The following SLC38A3 variants were observed in gnomAD, a reference collection of about 807,000 sequenced individuals.
The protein encoded by SLC38A3 is solute carrier family 38 member 3, also known as sodium-coupled neutral amino acid transporter 3.
SLC38A3 carries 17 observed loss-of-function variants against 59.5 expected under a neutral mutation model. The observed-to-expected ratio is 0.29, with a 90% CI of 0.20 to 0.43. The LOEUF is 0.43. SLC38A3 is among the 20% of genes least tolerant of loss of function. The pLI, the probability that SLC38A3 is intolerant of heterozygous loss-of-function variation, is 1.00. For missense variants in SLC38A3, 454 were observed against 653.9 expected, an observed-to-expected ratio of 0.69 and a Z score of 3.33; for synonymous variants, 238 against 260.3, an observed-to-expected ratio of 0.91 and a Z score of 0.82.
chr3:50,218,884 G>C lies in SLC38A3; in HGVS notation c.1242G>C (p.Leu414=), dbSNP rs1264284884. 2 of 1,613,672 alleles carry C rather than the reference G, an allele frequency of 1.2e-6. No individual in the cohort carries two copies. Among genetic ancestry groups the C allele is most frequent in the Admixed American group, 3.3e-5 (2 of 60,020 alleles). ...WLRHVLIAVG[L]LTCINLLVIF... ...GGCATGTGCTTATTGCCGTTGGCCTGCTCACTTGTATCAACCTGCTGGTCA... is the reference window on the plus strand; with the variant it reads ...GGCATGTGCTTATTGCCGTTGGCCTCCTCACTTGTATCAACCTGCTGGTCA... The change falls in exon 14 of 16, where the codon CTG becomes CTC. Residue 414 remains leucine (L), a synonymous_variant. Transcript: ENST00000614032. The surrounding 1 kb of genome is among the most constrained non-coding windows in gnomAD (Gnocchi z 5.8).
At chr3:50,211,579 T>C (rs1212439685) in intron 1 of SLC38A3, among the ~76,000 whole-genome samples, 3 of 146,142 alleles carry the variant, frequency 2.1e-5, no homozygotes, top group Non-Finnish European at 4.5e-5. Flanking sequence ...TTTTTTTTTT[T>C]TTTTTTTTTT....
chr3:50,209,367 G>A (rs368149961), intron 1 of SLC38A3, among the ~76,000 whole-genome samples: 1 of 152,226 alleles, frequency 6.6e-6, no homozygotes, highest in Non-Finnish European at 1.5e-5. Flanking sequence ...ACCTGGCCAT[G>A]GCCGGGCGCA....
Position 50,218,215 on chromosome 3 carries a change from G to A in SLC38A3, c.936-55G>A, listed in dbSNP as rs1699848324. 1 of 1,278,624 alleles carries A rather than the reference G, an allele frequency of 7.8e-7. No homozygotes were observed. The highest frequency in any genetic ancestry group is 1.1e-6 in the Non-Finnish European group (1 of 875,226). The allele number at this position is 1,278,624 out of a possible 1,614,324, so 79.2% of individuals were successfully genotyped here. ...CAGAGAGAGCTTGGGGCACATGGGG[G>A]TCTCCCAATGTTACCCAGCTTGTCA... On this transcript the variant is annotated intron_variant, in intron 11 of 15. Transcript: ENST00000614032. This position sits in a 1 kb window ranked among gnomAD's most constrained non-coding sequence, Gnocchi z 5.8.
Position 50,215,614 on chromosome 3 carries a change from C to T in SLC38A3, c.444C>T (p.Ala148=). 6.2e-7 allele frequency: 1 copy of T among 1,613,750 alleles called. No individual in the cohort carries two copies. The highest frequency in any genetic ancestry group is 1.3e-5 in the African/African-American group (1 of 75,008). Residue 148 remains alanine (A), a synonymous_variant, in exon 6 of 16, where the codon GCC becomes GCT. Coordinates refer to ENST00000614032, the MANE Select transcript of SLC38A3 (RefSeq NM_006841.6). This position sits in a 1 kb window ranked among gnomAD's most constrained non-coding sequence, Gnocchi z 7.1. ...GTPGKLAAAL[A]ITLQNIGAMS... is the part of the protein sequence containing the mutation. ...CAGGAAAGCTGGCAGCAGCCCTGGC[C>T]ATCACGCTCCAGAACATCGGAGGTA...
rs1699886849 is a variant in SLC38A3, at chr3:50,220,920, A to C, written c.*743A>C. The C allele has an allele frequency of 6.5e-6, 1 of 152,792 alleles. No homozygotes were observed. The highest frequency in any genetic ancestry group is 1.5e-5 in the Non-Finnish European group (1 of 68,200). The allele number at this position is 152,792 out of a possible 1,614,324, so 9.5% of individuals were successfully genotyped here. A position where few individuals can be genotyped will look rare whatever the true frequency, so the allele number is the denominator to read the frequency against. On this transcript the variant is annotated 3_prime_UTR_variant, in exon 16 of 16. Coordinates refer to ENST00000614032, the MANE Select transcript of SLC38A3 (RefSeq NM_006841.6). ...GGGAGCCAAAGACCCCAGTGGCCAC[A>C]CTGGGATAGGGTGGGGAGGCTGGCA...
At chr3:50,207,925 C>T (rs1257457039) in intron 1 of SLC38A3, 1 of 152,368 alleles carries the variant, frequency 6.6e-6, no homozygotes, top group Non-Finnish European at 1.5e-5. Flanking sequence ...ATGGGGGTCA[C>T]TCCGACTGAC....
At chr3:50,220,026 G>A (rs771259315) in intron 15 of SLC38A3, 42 bp downstream of exon 15, 158 of 1,602,604 alleles carry the variant, frequency 9.9e-5, no homozygotes, top group Non-Finnish European at 1.2e-4. Flanking sequence ...ATGGGGCTAA[G>A]GGAACTGCCC....
intron 1 of SLC38A3, among the ~76,000 whole-genome samples, chr3:50,206,512 G>T (rs1699649905): frequency 6.6e-6 from 1 of 152,236 alleles, no homozygotes; most frequent in East Asian, 1.9e-4. Context: ...CTCTCAGTCT[G>T]GGGGATAGAA....
In SLC38A3 at chr3:50,220,232, C is replaced by A; in HGVS notation, c.*55C>A. On this transcript the variant is annotated 3_prime_UTR_variant, in exon 16 of 16. Transcript: ENST00000614032. ...CCCTAGCAGCCCTGCCCAGACTCTT[C>A]AGCCCCTGCTCCCATCCAGTGGCCA... The A allele has an allele frequency of 2.9e-6, 4 of 1,365,732 alleles. No individual in the cohort carries two copies. The highest frequency in any genetic ancestry group is 1.2e-5 in the South Asian group (1 of 80,468). 84.6% of individuals were successfully genotyped at this position (1,365,732 alleles called of 1,614,324 possible).
chr3:50,215,150 T>C lies in SLC38A3; in HGVS notation c.300-236T>C. The C allele has an allele frequency of 1.7e-6, 1 of 583,286 alleles. No individual in the cohort carries two copies. The highest frequency in any genetic ancestry group is 3.1e-6 in the Non-Finnish European group (1 of 326,746). The allele number at this position is 583,286 out of a possible 1,614,324, so 36.1% of individuals were successfully genotyped here. ...AGAGGAGGACGTGCTCAGAGGGCAG[T>C]CACAGGGACACTCTTGACCCAGAGG... On this transcript the variant is annotated intron_variant, in intron 4 of 15. Coordinates refer to ENST00000614032, the MANE Select transcript of SLC38A3 (RefSeq NM_006841.6). The surrounding 1 kb of genome is among the most constrained non-coding windows in gnomAD (Gnocchi z 7.1).
In SLC38A3 at chr3:50,214,656, G is replaced by A. The variant is rs1437118005; in HGVS notation, c.187G>A (p.Glu63Lys). ...CGTCCCATTCTGGTGCCTGCAGTTCGAGGGGAAGACATCATTCGGGATGTC... is the reference window on the plus strand; with the variant it reads ...CGTCCCATTCTGGTGCCTGCAGTTCAAGGGGAAGACATCATTCGGGATGTC... The part of the protein sequence containing the change: ...PSKEPHFTDF[E>K]GKTSFGMSVF... Residue 63 changes from glutamate to lysine, a missense_variant, in exon 4 of 16, where the codon GAG becomes AAG. Around this residue, in one of 3 missense-constraint regions of SLC38A3, gnomAD observed 390 missense variants for 557.9 expected, o/e 0.70. Coordinates refer to ENST00000614032, the MANE Select transcript of SLC38A3 (RefSeq NM_006841.6). The surrounding 1 kb of genome is among the most constrained non-coding windows in gnomAD (Gnocchi z 6.0). 2.5e-6 allele frequency: 4 copies of A among 1,608,554 alleles called. No homozygotes were observed. Among genetic ancestry groups the A allele is most frequent in the Non-Finnish European group, 3.4e-6 (4 of 1,176,288 alleles).
At chr3:50,219,771 A>G in intron 14 of SLC38A3, 110 bp from the exon 15 acceptor site, 1 of 884,390 alleles carries the variant, frequency 1.1e-6, no homozygotes, top group Non-Finnish European at 1.8e-6. Flanking sequence ...AGTGGTCTCA[A>G]CATGAAACTC....
rs752242408 is a variant in SLC38A3 at position 50,215,343 on chromosome 3, C to T, written c.300-43C>T. 6.3e-6 allele frequency: 10 copies of T among 1,590,052 alleles called. No individual in the cohort carries two copies. The highest frequency in any genetic ancestry group is 8.6e-6 in the Non-Finnish European group (10 of 1,158,362). ...TCACCCTCTGCCAGCCACGGTAGCC[C>T]CCCAGTGGCCTCTTTTTCTTCCATC... On this transcript the variant is annotated intron_variant, in intron 4 of 15. Transcript: ENST00000614032. This position sits in a 1 kb window ranked among gnomAD's most constrained non-coding sequence, Gnocchi z 7.1.
chr3:50,219,508 C>T (rs970693490), intron 14 of SLC38A3, among the ~76,000 whole-genome samples: 4 of 152,168 alleles, frequency 2.6e-5, no homozygotes, highest in Admixed American at 6.5e-5. Context: ...TCTCTATGTC[C>T]GAAATCCAAC....
chr3:50,220,342 C>A lies in SLC38A3; in HGVS notation c.*165C>A. ...TCTGTGGAAGGTTTTTGTTCAAGAG[C>A]CAGGACCAAGGCCCTTGGGCCACTA... On this transcript the variant is annotated 3_prime_UTR_variant, in exon 16 of 16. Transcript: ENST00000614032. 1.6e-6 allele frequency: 1 copy of A among 633,938 alleles called. No individual in the cohort carries two copies. 39.3% of individuals were successfully genotyped at this position (633,938 alleles called of 1,614,324 possible). A position where few individuals can be genotyped will look rare whatever the true frequency, so the allele number is the denominator to read the frequency against.
Position 50,218,774 on chromosome 3 carries a change from G to A in SLC38A3, c.1162-30G>A, listed in dbSNP as rs587747122. On this transcript the variant is annotated intron_variant, in intron 13 of 15. Coordinates refer to ENST00000614032, the MANE Select transcript of SLC38A3 (RefSeq NM_006841.6). The surrounding 1 kb of genome is among the most constrained non-coding windows in gnomAD (Gnocchi z 5.8). ...GCGGGAGGGGCTGATGGGGCCAACA[G>A]GCTGATGATTCTTCTCACCTGCCCC... The A allele has an allele frequency of 1.3e-6, 2 of 1,599,138 alleles. No individual in the cohort carries two copies. The highest frequency in any genetic ancestry group is 2.2e-5 in the East Asian group (1 of 44,450).
chr3:50,215,018 C>T lies in SLC38A3; in HGVS notation c.299+250C>T, dbSNP rs975543274. 11 of 578,402 alleles carry T rather than the reference C, an allele frequency of 1.9e-5. No homozygotes were observed. The highest frequency in any genetic ancestry group is 7.5e-5 in the African/African-American group (4 of 53,678). 35.8% of individuals were successfully genotyped at this position (578,402 alleles called of 1,614,324 possible). ...GAGACTGTCCTTTTGGCACCTTACA[C>T]GTGATGGCCAAGCCCCACGGCCAGG... On this transcript the variant is annotated intron_variant, in intron 4 of 15. Coordinates refer to ENST00000614032, the MANE Select transcript of SLC38A3 (RefSeq NM_006841.6). This position sits in a 1 kb window ranked among gnomAD's most constrained non-coding sequence, Gnocchi z 7.1.
At chr3:50,211,568 C>CT (rs765148889) in intron 1 of SLC38A3, among the ~76,000 whole-genome samples, 8,212 of 81,086 alleles carry the variant, frequency 0.1, 1,407 homozygotes, top group South Asian at 0.14. Flanking sequence ...TGCCCCCATC[C>CT]TTTTTTTTTT....
At position 50,221,406 on chromosome 3, in the gene SLC38A3, G is replaced by C. The variant is rs1439691174; in HGVS notation, c.*1229G>C. 1 of 152,254 alleles carries C rather than the reference G, an allele frequency of 6.6e-6. No individual in the cohort carries two copies. The highest frequency in any genetic ancestry group is 2.4e-5 in the African/African-American group (1 of 41,472). The allele number at this position is 152,254 out of a possible 1,614,324, so 9.4% of individuals were successfully genotyped here. A position where few individuals can be genotyped will look rare whatever the true frequency, so the allele number is the denominator to read the frequency against. On this transcript the variant is annotated 3_prime_UTR_variant, in exon 16 of 16. Coordinates refer to ENST00000614032, the MANE Select transcript of SLC38A3 (RefSeq NM_006841.6). The stretch of plus-strand genomic sequence containing the variant: ...CATGTCAACTCTCTGTCAATGCCCT[G>C]AGTCTGGGGACAAAAGTCCAGGAAT...
Sources: gnomAD v4.1 joint callset for allele counts (sites outside exome capture counted in the v4.1 genomes callset) on GRCh38, gnomAD v4.1.1 for gene constraint, gnomAD v4.1.1 regional missense constraint, Gnocchi (gnomAD v3.1) non-coding constraint, MANE v1.5 for transcripts, NCBI Gene and HGNC (gene_info 2026-07-23, HGNC 2026-07-21) for gene names.